Variants in OTOGL observed in about 807,000 individuals in gnomAD.
OTOGL encodes the protein otogelin-like protein.
In OTOGL, 285 loss-of-function variants were observed where a neutral mutation model predicts 318.5. The ratio of observed to expected loss-of-function variants is 0.89; its 90% confidence interval spans 0.81 to 0.99. The LOEUF (loss-of-function observed/expected upper bound fraction) is 0.99, where lower values mean the gene tolerates loss of function less well. OTOGL is among the 50% of genes least tolerant of loss of function. The probability of loss-of-function intolerance (pLI) is 0.00; values close to 1 mark genes in which losing one functional copy is unlikely to be tolerated. For synonymous variants in OTOGL, 987 were observed against 936.5 expected (o/e 1.05, Z -0.99); for missense variants, 2,899 against 2,845.6 (o/e 1.02, Z -0.43).
intron 8 of OTOGL, among the ~76,000 whole-genome samples, chr12:80,231,887 T>C (rs1457337108): frequency 1.3e-5 from 2 of 151,998 alleles, no homozygotes; most frequent in Non-Finnish European, 2.9e-5. Flanking sequence ...TCCACCCACC[T>C]TGGCCTCCCA....
chr12:80,320,804 A>T (rs1887285377), intron 34 of OTOGL, 104 bp downstream of exon 34: 1 of 1,206,446 alleles, frequency 8.3e-7, no homozygotes, highest in African/African-American at 1.5e-5. Flanking sequence ...ATATAAGCAG[A>T]TAGACTTTTA....
chr12:80,128,458 A>T (rs1194112303), intron 1 of OTOGL, among the ~76,000 whole-genome samples: 1 of 152,110 alleles, frequency 6.6e-6, no homozygotes, highest in Non-Finnish European at 1.5e-5. Flanking sequence ...CTACTGGGAG[A>T]TGCCTCCCAG....
chr12:80,303,946 A>G (rs1475329973), intron 28 of OTOGL, among the ~76,000 whole-genome samples: 1 of 152,074 alleles, frequency 6.6e-6, no homozygotes, highest in Admixed American at 6.6e-5. Flanking sequence ...ATACCTGTCA[A>G]CCTCCAAATA....
Position 80,336,288 on chromosome 12 carries a change from T to C in OTOGL, c.4601-125T>C, listed in dbSNP as rs1049619797. 10 of 1,354,812 alleles carry C rather than the reference T, an allele frequency of 7.4e-6. No individual in the cohort carries two copies. In the African/African-American group the frequency reaches 1.3e-4, roughly 18 times the overall value. The allele number at this position is 1,354,812 out of a possible 1,614,324, so 83.9% of individuals were successfully genotyped here. On this transcript the variant is annotated intron_variant, in intron 39 of 58. Coordinates refer to ENST00000547103, the MANE Select transcript of OTOGL (RefSeq NM_001378609.3). ...ATTTATGATTTTGGCTCACAGTATA[T>C]AACTTTTAGAGTTGCTTCTTGTCAG...
At chr12:80,143,105 C>T (rs1297257498) in intron 1 of OTOGL, among the ~76,000 whole-genome samples, 2 of 151,998 alleles carry the variant, frequency 1.3e-5, no homozygotes, top group Non-Finnish European at 2.9e-5. Flanking sequence ...AGGTACAAAC[C>T]TATCATGAAT....
At chr12:80,313,337 T>G in intron 30 of OTOGL, 139 bp from the exon 31 acceptor site, 1 of 731,034 alleles carries the variant, frequency 1.4e-6, no homozygotes. Context: ...TAAAGAGGCT[T>G]TAAATAAAGA....
rs747783194 is a variant in OTOGL, at chr12:80,318,718, G to C, written c.3802+5G>C. 3 of 1,234,004 alleles carry C rather than the reference G, an allele frequency of 2.4e-6. No homozygotes were observed. Among genetic ancestry groups the C allele is most frequent in the East Asian group, 6.2e-5 (2 of 32,012 alleles). 76.4% of individuals were successfully genotyped at this position (1,234,004 alleles called of 1,614,324 possible). A position where few individuals can be genotyped will look rare whatever the true frequency, so the allele number is the denominator to read the frequency against. On this transcript the variant is annotated splice_donor_5th_base_variant and intron_variant, in intron 33 of 58. Coordinates refer to ENST00000547103, the MANE Select transcript of OTOGL (RefSeq NM_001378609.3). ...TTTTCAAAGAGAAGGTATCATGTAA[G>C]TATAATTGAAAATAAGAGTTTAGCT...
At position 80,271,807 on chromosome 12, in the gene OTOGL, C is replaced by T; in HGVS notation, c.2678C>T (p.Pro893Leu). Residue 893 changes from proline (P) to leucine (L), a missense_variant, in exon 24 of 59, where the codon CCA (proline) becomes CTA (leucine). Physicochemically the swap from Pro to Leu is moderately conservative, Grantham distance 98 (BLOSUM62 -3). Coordinates refer to ENST00000547103, the MANE Select transcript of OTOGL (RefSeq NM_001378609.3). ...TGTATAAGTGGCTGTGTTTGTGCTC[C>T]AGGGTAAGCCTCTTCTTCATAATAC... ...SPCISGCVCAPGMAEHRGKCY... is the reference protein window; with the variant it reads ...SPCISGCVCALGMAEHRGKCY... 2 of 1,611,212 alleles carry T rather than the reference C, an allele frequency of 1.2e-6. No individual in the cohort carries two copies. The highest frequency in any genetic ancestry group is 1.7e-6 in the Non-Finnish European group (2 of 1,178,412).
At chr12:80,199,178 G>A (rs553115797) in intron 1 of OTOGL, among the ~76,000 whole-genome samples, 2 of 152,252 alleles carry the variant, frequency 1.3e-5, no homozygotes, top group South Asian at 4.1e-4. Flanking sequence ...CCAGCCTTGT[G>A]CAATTCTCTC....
Position 80,240,888 on chromosome 12 carries a change from GT to G in OTOGL, c.1052+1455del, listed in dbSNP as rs200419181. 3.1e-3 allele frequency among the ~76,000 whole-genome samples: 470 copies of G among 152,036 alleles called. 7 individuals carry two copies. Among genetic ancestry groups the G allele is most frequent in the African/African-American group, 0.011 (456 of 41,514 alleles). On this transcript the variant is annotated intron_variant, in intron 11 of 58. Transcript: ENST00000547103. ...CTACCATAAATTACTCATAATTAAA[GT>G]TTTTTAAAATTATTTTTCTTTCAAA...
At chr12:80,360,719 A>T (rs1890192284) in intron 52 of OTOGL, among the ~76,000 whole-genome samples, 1 of 151,854 alleles carries the variant, frequency 6.6e-6, no homozygotes, top group African/African-American at 2.4e-5. Flanking sequence ...TTACCTCGTG[A>T]TCTGCTCGCC....
chr12:80,313,373 C>A (rs1037335), intron 30 of OTOGL, 103 bp from the exon 31 acceptor site: 1 of 1,128,264 alleles, frequency 8.9e-7, no homozygotes, highest in Non-Finnish European at 1.3e-6. Flanking sequence ...CAGTGTTAAG[C>A]TGATAATATC....
Position 80,273,741 on chromosome 12 carries a change from A to T in OTOGL, c.2681+1931A>T, listed in dbSNP as rs76795717. Among the ~76,000 whole-genome samples, 259 of 152,034 alleles carry T rather than the reference A, an allele frequency of 1.7e-3. 1 individual carries two copies. Among genetic ancestry groups the T allele is most frequent in the African/African-American group, 6.2e-3 (256 of 41,500 alleles). ...AGGTGTTGCATTTTTTACAAATTGA[A>T]GGTGTGTGGCAACCCTGCATCAAGC... On this transcript the variant is annotated intron_variant, in intron 24 of 58. Coordinates refer to ENST00000547103, the MANE Select transcript of OTOGL (RefSeq NM_001378609.3).
At position 80,266,537 on chromosome 12, in the gene OTOGL, T is replaced by G. The variant is rs776458140; in HGVS notation, c.2311T>G (p.Cys771Gly). 3.1e-6 allele frequency: 5 copies of G among 1,613,542 alleles called. No individual in the cohort carries two copies. In the South Asian group the frequency reaches 5.5e-5, roughly 18 times the overall value. ...SCISLSSPEQ[C>G]SDDCAEGCNC... ...CATTTCTCTCTCTTCCCCGGAGCAG[T>G]GCAGTGATGACTGTGCTGAAGGCTG... The change falls in exon 21 of 59, where the codon TGC (cysteine) becomes GGC (glycine). Residue 771 changes from cysteine to glycine, a missense_variant. This residue lies in a region of OTOGL where 2,607 missense variants were observed against 2,524.9 expected (regional missense o/e 1.03). Coordinates refer to ENST00000547103, the MANE Select transcript of OTOGL (RefSeq NM_001378609.3).
At chr12:80,299,670 C>T (rs1885633713) in intron 27 of OTOGL, among the ~76,000 whole-genome samples, 1 of 149,096 alleles carries the variant, frequency 6.7e-6, no homozygotes, top group South Asian at 2.1e-4. Context: ...CTAATTTTAT[C>T]AAATGTATAA....
intron 1 of OTOGL, among the ~76,000 whole-genome samples, chr12:80,207,083 A>G (rs1876863573): frequency 7.4e-6 from 1 of 134,540 alleles, no homozygotes; most frequent in East Asian, 2.4e-4. Flanking sequence ...CTGCTTACTA[A>G]CTTTTTTTAC....
chr12:80,358,378 T>C (rs1890037497), intron 50 of OTOGL, 29 bp downstream of exon 50: 1 of 1,490,036 alleles, frequency 6.7e-7, no homozygotes, highest in African/African-American at 1.4e-5. Flanking sequence ...TTCTAAAATA[T>C]TTAGATGTGT....
intron 1 of OTOGL, among the ~76,000 whole-genome samples, chr12:80,199,866 CT>C (rs1383139923): frequency 6.6e-6 from 1 of 152,160 alleles, no homozygotes; most frequent in Admixed American, 6.5e-5. Flanking sequence ...ACACTGGAAA[CT>C]TAATGAATCT....
chr12:80,286,992 G>GAACTTGCTTTATGA (rs1409180539), intron 26 of OTOGL, among the ~76,000 whole-genome samples: 4 of 151,936 alleles, frequency 2.6e-5, no homozygotes, highest in African/African-American at 7.3e-5. Context: ...ATCAATTGTA[G>GAACTTGCTTTATGA]ATCATTCCCG....
Sources: allele counts gnomAD v4.1 joint callset (sites outside exome capture counted in the v4.1 genomes callset), GRCh38; gene constraint gnomAD v4.1.1; regional missense constraint gnomAD v4.1.1; transcripts MANE v1.5; gene names NCBI Gene and HGNC (gene_info 2026-07-23, HGNC 2026-07-21).